Variants in MID1 observed in about 807,000 individuals in gnomAD.
The protein encoded by MID1 is E3 ubiquitin-protein ligase Midline-1.
MID1 carries 7 observed loss-of-function variants against 40.4 expected under a neutral mutation model. The ratio of observed to expected loss-of-function variants is 0.17; its 90% CI spans 0.10 to 0.33. The LOEUF is 0.33. Among genes scored for constraint, MID1 ranks in the 10% least tolerant of loss-of-function variants. MID1 has a pLI of 1.00. For missense variants in MID1, 367 were observed against 558.5 expected, an observed-to-expected ratio of 0.66 and a Z score of 3.46; for synonymous variants, 229 against 221.2, an observed-to-expected ratio of 1.04 and a Z score of -0.31.
chrX:10,701,227 C>A (rs903757527), intron 1 of MID1, among the ~76,000 whole-genome samples: 3 of 111,842 alleles, frequency 2.7e-5, no homozygotes, highest in African/African-American at 9.8e-5. Flanking sequence ...ACATCGCAAC[C>A]AGAACAGATT....
At chrX:10,463,172 C>G (rs767526964) in intron 7 of MID1, among the ~76,000 whole-genome samples, 1 of 111,136 alleles carries the variant, frequency 9.0e-6, no homozygotes, top group Non-Finnish European at 1.9e-5. Context: ...AGTCATAACT[C>G]TATTAACAAA....
At chrX:10,756,886 C>A (rs1004156144) in intron 1 of MID1, among the ~76,000 whole-genome samples, 1 of 111,666 alleles carries the variant, frequency 9.0e-6, no homozygotes, top group Non-Finnish European at 1.9e-5. Context: ...GCATTGGACC[C>A]AAGTTGCATT....
At chrX:10,543,915 A>C (rs934923418) in intron 2 of MID1, among the ~76,000 whole-genome samples, 14 of 110,896 alleles carry the variant, frequency 1.3e-4, no homozygotes, top group African/African-American at 4.3e-4. Context: ...CTGAGGCAGG[A>C]GAATCGCTTG....
intron 2 of MID1, among the ~76,000 whole-genome samples, chrX:10,560,677 C>T (rs1043587579): frequency 1.8e-5 from 2 of 110,790 alleles, no homozygotes; most frequent in Admixed American, 9.6e-5. Context: ...ACGTGAAGGA[C>T]CTCTTCAAGG....
intron 1 of MID1, among the ~76,000 whole-genome samples, chrX:10,827,447 G>A (rs1278815194): frequency 3.5e-5 from 2 of 56,366 alleles, no homozygotes; most frequent in East Asian, 5.2e-4. Context: ...TGCTCCCCCC[G>A]TCCCCCCCAC....
chrX:10,497,486 C>T (rs773044924), intron 3 of MID1, among the ~76,000 whole-genome samples: 1 of 111,596 alleles, frequency 9.0e-6, no homozygotes, highest in African/African-American at 3.3e-5. Flanking sequence ...ATCAACTTGG[C>T]CTACCTTCAG....
chrX:10,821,098 G>T (rs2044171552), intron 1 of MID1, among the ~76,000 whole-genome samples: 1 of 111,907 alleles, frequency 8.9e-6, no homozygotes, highest in Admixed American at 9.5e-5. Flanking sequence ...CAGTAGGAAT[G>T]GATCCAGATA....
upstream of MID1, among the ~76,000 whole-genome samples, chrX:10,622,893 A>C (rs1190936410): frequency 3.6e-5 from 4 of 110,854 alleles, no homozygotes; most frequent in Non-Finnish European, 7.5e-5. Flanking sequence ...TAAAATTCTG[A>C]ATGAAATAAA....
chrX:10,636,693 G>A (rs777703655), intron 1 of MID1, among the ~76,000 whole-genome samples: 1 of 102,229 alleles, frequency 9.8e-6, no homozygotes, highest in South Asian at 4.6e-4. Flanking sequence ...GAATTGATTA[G>A]GTTGGAATTG....
At chrX:10,506,147 A>C in intron 3 of MID1, 1 of 877,509 alleles carries the variant, frequency 1.1e-6, no homozygotes. Context: ...ATTGATTTTT[A>C]AATATCTTTG....
Position 10,742,089 on chromosome X carries a change from C to T in MID1, c.-187+91465G>A, listed in dbSNP as rs1339722012. Among the ~76,000 whole-genome samples the T allele has an allele frequency of 1.4e-4, 16 of 111,058 alleles. No individual in the cohort carries two copies. The East Asian group carries it at 4.5e-3, about 31-fold the overall frequency. On this transcript the variant is annotated intron_variant, in intron 1 of 10. Coordinates refer to the MID1 transcript ENST00000380785. The stretch of plus-strand genomic sequence containing the variant: ...ACAGCCCCTCCCTCGCCCCACCTCT[C>T]CCTTTGGCTCAATGCCCTCATATTC...
In MID1 at chrX:10,809,930, AAAAAT is replaced by A. The variant is rs200631683; in HGVS notation, c.-187+23619_-187+23623del. ...TAAAGTATAATAATAAAAAAATAAT[AAAAAT>A]AAAATAAAATAAAATAAAAAAGAAG... On this transcript the variant is annotated intron_variant, in intron 1 of 10. Transcript: ENST00000380785. 5.5e-3 allele frequency among the ~76,000 whole-genome samples: 613 copies of A among 111,193 alleles called. 3 individuals are homozygous for A. Among genetic ancestry groups the A allele is most frequent in the African/African-American group, 0.019 (577 of 30,818 alleles).
At chrX:10,570,996 A>G (rs1934706696) in intron 1 of MID1, among the ~76,000 whole-genome samples, 1 of 109,991 alleles carries the variant, frequency 9.1e-6, no homozygotes, top group South Asian at 3.9e-4. Context: ...AAGCACTTAC[A>G]AGTTTCCAGT....
chrX:10,495,139 T>C (rs1931178074), intron 4 of MID1, among the ~76,000 whole-genome samples: 1 of 112,110 alleles, frequency 8.9e-6, no homozygotes, highest in African/African-American at 3.2e-5. Flanking sequence ...TATACCTGTA[T>C]ACATTTCCTC....
intron 1 of MID1, among the ~76,000 whole-genome samples, chrX:10,652,350 G>T (rs1381772399): frequency 9.0e-6 from 1 of 111,178 alleles, no homozygotes; most frequent in Non-Finnish European, 1.9e-5. Flanking sequence ...GTTTTTTGTT[G>T]TTGTTGTTTT....
intron 1 of MID1, among the ~76,000 whole-genome samples, chrX:10,610,558 T>C (rs1221949405): frequency 1.8e-5 from 2 of 111,308 alleles, no homozygotes; most frequent in African/African-American, 6.5e-5. Context: ...GGGTGAAGAA[T>C]AATGTATGTG....
intron 1 of MID1, among the ~76,000 whole-genome samples, chrX:10,593,836 C>A (rs1306846081): frequency 9.2e-6 from 1 of 108,337 alleles, no homozygotes; most frequent in African/African-American, 3.4e-5. Context: ...GAAGATATCA[C>A]CAAGTCCTCA....
chrX:10,543,602 G>T (rs747501956), intron 2 of MID1, among the ~76,000 whole-genome samples: 2 of 111,157 alleles, frequency 1.8e-5, no homozygotes, highest in South Asian at 3.9e-4. Flanking sequence ...AAGCACTTTG[G>T]GGGGCTGAGG....
intron 3 of MID1, among the ~76,000 whole-genome samples, chrX:10,496,223 T>TA (rs1931243988): frequency 8.9e-6 from 1 of 112,200 alleles, no homozygotes; most frequent in African/African-American, 3.2e-5. Context: ...CTATAAAACA[T>TA]AAAAAGCACA....
Sources: allele counts gnomAD v4.1 joint callset (sites outside exome capture counted in the v4.1 genomes callset), GRCh38; gene constraint gnomAD v4.1.1; transcripts MANE v1.5; gene names NCBI Gene and HGNC (gene_info 2026-07-23, HGNC 2026-07-21).